Variants in BOC observed in about 807,000 individuals in gnomAD.
BOC encodes brother of CDO.
In BOC, 76 loss-of-function variants were observed where a neutral mutation model predicts 112.0. The observed-to-expected ratio is 0.68, with a 90% CI of 0.56 to 0.82. The LOEUF (loss-of-function observed/expected upper bound fraction) is 0.82. Among genes scored for constraint, BOC ranks in the 40% least tolerant of loss-of-function variants. The pLI, the probability that BOC is intolerant of heterozygous loss-of-function variation, is 0.00. For missense variants in BOC, 1,309 were observed against 1,511.7 expected (o/e 0.87, Z 2.22); for synonymous variants, 580 against 599.8 (o/e 0.97, Z 0.48).
chr3:113,246,657 G>C (rs911576279), intron 2 of BOC, among the ~76,000 whole-genome samples: 5 of 151,038 alleles, frequency 3.3e-5, no homozygotes, highest in African/African-American at 1.2e-4. Flanking sequence ...ATCATCCAGT[G>C]ACCAAGCCCC....
At position 113,287,268 on chromosome 3, in the gene BOC, C is replaced by T. The variant is rs1391921502; in HGVS notation, c.*406C>T. ...GGCACGGTATCACAGCCTGGAGACACCCACACAGATGGCTGGATCCGGTGC... is the reference window on the plus strand; with the variant it reads ...GGCACGGTATCACAGCCTGGAGACATCCACACAGATGGCTGGATCCGGTGC... On this transcript the variant is annotated 3_prime_UTR_variant, in exon 20 of 20. Transcript: ENST00000682979. 8.3e-5 allele frequency: 27 copies of T among 325,126 alleles called. No homozygotes were observed. Among genetic ancestry groups the T allele is most frequent in the Non-Finnish European group, 1.2e-4 (20 of 166,040 alleles). The allele number at this position is 325,126 out of a possible 1,614,324, so 20.1% of individuals were successfully genotyped here.
chr3:113,238,217 A>G (rs1288751628), intron 2 of BOC, among the ~76,000 whole-genome samples: 1 of 152,214 alleles, frequency 6.6e-6, no homozygotes, highest in Non-Finnish European at 1.5e-5. Flanking sequence ...GAGAGTATGA[A>G]AATGCAGCCT....
intron 4 of BOC, among the ~76,000 whole-genome samples, chr3:113,259,310 G>A (rs532036408): frequency 1.9e-4 from 29 of 152,260 alleles, no homozygotes; most frequent in African/African-American, 7.0e-4. Flanking sequence ...ACAATACTGG[G>A]TTCATTTTCT....
chr3:113,223,750 A>C (rs901277419), intron 2 of BOC, among the ~76,000 whole-genome samples: 20 of 152,104 alleles, frequency 1.3e-4, no homozygotes, highest in Non-Finnish European at 2.8e-4. Context: ...AATCCCCTTC[A>C]GTTTTAAGTA....
At chr3:113,260,123 A>G (rs1280627417) in intron 4 of BOC, among the ~76,000 whole-genome samples, 1 of 152,146 alleles carries the variant, frequency 6.6e-6, no homozygotes, top group African/African-American at 2.4e-5. Context: ...GTTATTATGC[A>G]TCTGTGTCCA....
intron 2 of BOC, among the ~76,000 whole-genome samples, chr3:113,236,226 ATATGTGTG>A (rs1290133916): frequency 1.0e-5 from 1 of 96,734 alleles, no homozygotes; most frequent in African/African-American, 4.7e-5. Context: ...GTATATACGT[ATATGTGTG>A]TGTGTGTGTG....
chr3:113,245,728 C>T (rs1161281837), intron 2 of BOC, among the ~76,000 whole-genome samples: 3 of 152,180 alleles, frequency 2.0e-5, no homozygotes, highest in Admixed American at 2.0e-4. Flanking sequence ...TTTGTCAGAT[C>T]GTATTCTTGC....
At chr3:113,282,976 C>CTG (rs1949332398) in intron 15 of BOC, among the ~76,000 whole-genome samples, 1 of 152,180 alleles carries the variant, frequency 6.6e-6, no homozygotes, top group Non-Finnish European at 1.5e-5. Flanking sequence ...GTGATCCATG[C>CTG]TAATACCTAG....
At chr3:113,232,258 T>A (rs912930495) in intron 2 of BOC, among the ~76,000 whole-genome samples, 1 of 152,138 alleles carries the variant, frequency 6.6e-6, no homozygotes, top group African/African-American at 2.4e-5. Context: ...CTTCCCAAGT[T>A]GGGGAGAGCT....
At position 113,281,033 on chromosome 3, in the gene BOC, G is replaced by A. The variant is rs767468741; in HGVS notation, c.2314G>A (p.Asp772Asn). ...CATTCTCTGACTCTGTTTCCCAGGG[G>A]ACAAGTACTGGCACTCCATCAGCCA... ...SDYKKDMVEG[D>N]KYWHSISHLQ... The change falls in exon 15 of 20, where the codon GAC (aspartate) becomes AAC (asparagine). Residue 772 changes from aspartate (D) to asparagine (N), a missense_variant and splice_region_variant. Coordinates refer to ENST00000682979, the MANE Select transcript of BOC (RefSeq NM_001378074.1). 9 of 1,613,812 alleles carry A rather than the reference G, an allele frequency of 5.6e-6. No homozygotes were observed. In the South Asian group the frequency reaches 7.7e-5, roughly 14 times the overall value.
chr3:113,257,778 A>G (rs932865342), intron 4 of BOC, among the ~76,000 whole-genome samples: 9 of 152,192 alleles, frequency 5.9e-5, no homozygotes, highest in East Asian at 1.9e-4. Context: ...AATGCATTCT[A>G]TTTCTAAAGG....
intron 2 of BOC, 67 bp downstream of exon 2, chr3:113,216,341 G>A: frequency 2.2e-6 from 1 of 449,322 alleles, no homozygotes; most frequent in Non-Finnish European, 4.5e-6. Context: ...TTCATGTTTT[G>A]TGTTACCACT....
chr3:113,254,804 G>A (rs976715956), intron 4 of BOC, among the ~76,000 whole-genome samples: 1 of 152,232 alleles, frequency 6.6e-6, no homozygotes, highest in Non-Finnish European at 1.5e-5. Flanking sequence ...TAGGTCATGG[G>A]GCTTAGGACC....
At chr3:113,258,049 T>C (rs1946420993) in intron 4 of BOC, among the ~76,000 whole-genome samples, 2 of 152,186 alleles carry the variant, frequency 1.3e-5, no homozygotes, top group South Asian at 4.1e-4. Context: ...GCCAGAAATG[T>C]GAACAGATTT....
chr3:113,225,140 G>T (rs1417375663), intron 2 of BOC, among the ~76,000 whole-genome samples: 2 of 151,962 alleles, frequency 1.3e-5, no homozygotes, highest in Non-Finnish European at 1.5e-5. Flanking sequence ...CGGGTGTGGT[G>T]GTGCACGCCT....
At chr3:113,229,731 T>C (rs1942296391) in intron 2 of BOC, among the ~76,000 whole-genome samples, 1 of 152,250 alleles carries the variant, frequency 6.6e-6, no homozygotes, top group East Asian at 1.9e-4. Flanking sequence ...ATATGTATTT[T>C]AGCTTTAAAA....
intron 2 of BOC, among the ~76,000 whole-genome samples, chr3:113,224,710 A>G (rs1941359832): frequency 6.6e-6 from 1 of 152,134 alleles, no homozygotes; most frequent in African/African-American, 2.4e-5. Context: ...CTGTAATCTC[A>G]GCACTTTAGA....
chr3:113,213,200 T>A (rs1938597115), intron 1 of BOC, among the ~76,000 whole-genome samples: 2 of 152,188 alleles, frequency 1.3e-5, no homozygotes, highest in Non-Finnish European at 2.9e-5. Flanking sequence ...TCTCTGCAAG[T>A]TCAAATGGGT....
At chr3:113,242,605 C>G (rs1320005026) in intron 2 of BOC, among the ~76,000 whole-genome samples, 16 of 152,070 alleles carry the variant, frequency 1.1e-4, no homozygotes. Flanking sequence ...GAAATAGGCT[C>G]TGTTTGTTAG....
Sources: allele counts gnomAD v4.1 joint callset (sites outside exome capture counted in the v4.1 genomes callset), GRCh38; gene constraint gnomAD v4.1.1; transcripts MANE v1.5; gene names NCBI Gene and HGNC (gene_info 2026-07-23, HGNC 2026-07-21).